TMOD3: variants seen among roughly 807,000 people sequenced by gnomAD.
The protein encoded by TMOD3 is tropomodulin 3, also known as tropomodulin-3.
In TMOD3, 20 loss-of-function variants were observed where a neutral mutation model predicts 39.2. The observed-to-expected ratio is 0.51, with a 90% CI of 0.36 to 0.74. TMOD3 has a LOEUF of 0.74. TMOD3 is among the 30% of genes least tolerant of loss of function. The probability of loss-of-function intolerance (pLI) is 0.00; values close to 1 mark genes in which losing one functional copy is unlikely to be tolerated. For missense variants in TMOD3, 381 were observed against 412.8 expected (o/e 0.92, Z 0.67); for synonymous variants, 143 against 145.8 (o/e 0.98, Z 0.14).
At position 51,869,359 on chromosome 15, in the gene TMOD3, C is replaced by T. The variant is rs750985666; in HGVS notation, c.269C>T (p.Thr90Ile). 6 of 1,609,600 alleles carry T rather than the reference C, an allele frequency of 3.7e-6. No individual in the cohort carries two copies. The highest frequency in any genetic ancestry group is 1.7e-5 in the Admixed American group (1 of 58,800). The change falls in exon 3 of 10, where the codon ACT (threonine) becomes ATT (isoleucine). Residue 90 changes from threonine (T) to isoleucine (I), a missense_variant. Physicochemically the swap from Thr to Ile is moderately conservative, Grantham distance 89. Coordinates refer to ENST00000308580, the MANE Select transcript of TMOD3 (RefSeq NM_014547.5). Reference sequence around the variant, plus strand: ...GACAGGGAAGACTATGTGCCCTACACTGGAGAAAAAAAAGGTAAGCCCCAG... The same window carrying T: ...GACAGGGAAGACTATGTGCCCTACATTGGAGAAAAAAAAGGTAAGCCCCAG... The part of the protein sequence containing the change: ...HKDREDYVPY[T>I]GEKKGKIFIP...
intron 1 of TMOD3, among the ~76,000 whole-genome samples, chr15:51,837,240 T>C (rs2056290684): frequency 2.0e-5 from 3 of 152,086 alleles, no homozygotes; most frequent in African/African-American, 7.2e-5. Flanking sequence ...GGTGTGGTGG[T>C]AAAACTTTGA....
Position 51,900,150 on chromosome 15 carries a change from T to C in TMOD3, c.736-5T>C. 6.2e-7 allele frequency: 1 copy of C among 1,613,834 alleles called. No homozygotes were observed. The highest frequency in any genetic ancestry group is 1.1e-5 in the South Asian group (1 of 91,006). On this transcript the variant is annotated splice_region_variant and splice_polypyrimidine_tract_variant and intron_variant, in intron 7 of 9. Coordinates refer to ENST00000308580, the MANE Select transcript of TMOD3 (RefSeq NM_014547.5). ...TAATCTCTTAATATTTTCTCTAATT[T>C]CTAGGCTTTTGCAGAAATGCTGAAA...
intron 7 of TMOD3, among the ~76,000 whole-genome samples, chr15:51,897,803 A>C (rs1595911042): frequency 1.3e-5 from 2 of 151,286 alleles, no homozygotes; most frequent in African/African-American, 2.4e-5. Context: ...AAAAAACAAA[A>C]AACTAATGGA....
chr15:51,855,981 AGGTGT>A (rs2056385753), intron 1 of TMOD3, among the ~76,000 whole-genome samples: 1 of 152,236 alleles, frequency 6.6e-6, no homozygotes, highest in Non-Finnish European at 1.5e-5. Context: ...AGTAGTGGCC[AGGTGT>A]GGTGGGTAGC....
Position 51,862,946 on chromosome 15 carries a change from T to C in TMOD3, c.62T>C (p.Leu21Pro). Residue 21 changes from leucine to proline, a missense_variant, in exon 2 of 10, where the codon CTT becomes CCT. By Grantham distance (98) the Leu-to-Pro change is moderately conservative. Coordinates refer to ENST00000308580, the MANE Select transcript of TMOD3 (RefSeq NM_014547.5). Reference protein sequence around the residue: ...KYKDLDEDELLGNLSETELKQ... With the variant: ...KYKDLDEDELPGNLSETELKQ... Reference sequence around the variant, plus strand: ...AAAGACCTTGATGAAGATGAGCTCCTTGGGAATCTGTCAGAAACAGAACTG... The same window carrying C: ...AAAGACCTTGATGAAGATGAGCTCCCTGGGAATCTGTCAGAAACAGAACTG... The C allele has an allele frequency of 1.2e-6, 2 of 1,614,120 alleles. No individual in the cohort carries two copies. The highest frequency in any genetic ancestry group is 1.7e-6 in the Non-Finnish European group (2 of 1,179,960).
chr15:51,869,983 G>A (rs748857481), intron 3 of TMOD3, among the ~76,000 whole-genome samples: 1 of 152,104 alleles, frequency 6.6e-6, no homozygotes, highest in Non-Finnish European at 1.5e-5. Context: ...CTGTTGCCCA[G>A]GCCGGAGTGC....
chr15:51,869,435 G>A (rs958338761), intron 3 of TMOD3, 62 bp downstream of exon 3: 6 of 1,514,750 alleles, frequency 4.0e-6, no homozygotes, highest in Admixed American at 2.1e-5. Flanking sequence ...TTATAGGTGG[G>A]TGTGGAGAAA....
chr15:51,886,538 C>T (rs956885565), intron 3 of TMOD3, among the ~76,000 whole-genome samples: 13 of 152,190 alleles, frequency 8.5e-5, no homozygotes, highest in Non-Finnish European at 1.5e-4. Flanking sequence ...TGGCGGTGCG[C>T]GCCCGCATTC....
At position 51,910,831 on chromosome 15, in the gene TMOD3, A is replaced by C. The variant is rs1331309286; in HGVS notation, c.*2021A>C. 6.6e-6 allele frequency: 1 copy of C among 151,830 alleles called. No homozygotes were observed. Among genetic ancestry groups the C allele is most frequent in the Non-Finnish European group, 1.5e-5 (1 of 67,972 alleles). The allele number at this position is 151,830 out of a possible 1,614,324, so 9.4% of individuals were successfully genotyped here. On this transcript the variant is annotated 3_prime_UTR_variant, in exon 10 of 10. Transcript: ENST00000308580. ...AGTATCCAATGTTTTATAGGGGCCA[A>C]AGGTTAACTTTGCACTATTCCCTGT...
chr15:51,837,674 G>A (rs752329494), intron 1 of TMOD3, among the ~76,000 whole-genome samples: 1 of 152,086 alleles, frequency 6.6e-6, no homozygotes, highest in African/African-American at 2.4e-5. Context: ...GGGCAGGTGG[G>A]CTCTTCTGTT....
chr15:51,905,916 A>G (rs1369146202), intron 9 of TMOD3, among the ~76,000 whole-genome samples: 2 of 122,600 alleles, frequency 1.6e-5, no homozygotes, highest in African/African-American at 6.5e-5. Context: ...TGCAGTCCGC[A>G]GTCCGGCCTG....
chr15:51,878,905 C>T (rs949198479), intron 3 of TMOD3, among the ~76,000 whole-genome samples: 3 of 152,132 alleles, frequency 2.0e-5, no homozygotes, highest in South Asian at 4.1e-4. Context: ...AATGAAGTAA[C>T]CAAGAGCCAC....
chr15:51,898,122 T>A (rs1217657772), intron 7 of TMOD3, among the ~76,000 whole-genome samples: 1 of 152,220 alleles, frequency 6.6e-6, no homozygotes, highest in Non-Finnish European at 1.5e-5. Context: ...ATAAAAATCT[T>A]TCAGTGGCCT....
intron 9 of TMOD3, among the ~76,000 whole-genome samples, chr15:51,906,340 A>G (rs954886250): frequency 1.3e-5 from 2 of 152,218 alleles, no homozygotes; most frequent in Non-Finnish European, 2.9e-5. Flanking sequence ...TCCTGGGCAT[A>G]TAGTTCTTTT....
chr15:51,899,665 C>G (rs78650575), intron 7 of TMOD3, among the ~76,000 whole-genome samples: 1 of 88,616 alleles, frequency 1.1e-5, no homozygotes, highest in Non-Finnish European at 2.4e-5. Context: ...GACCCTGTCT[C>G]AAAAAAAAAA....
At chr15:51,869,431 G>T in intron 3 of TMOD3, 58 bp downstream of exon 3, 3 of 1,538,708 alleles carry the variant, frequency 1.9e-6, no homozygotes, top group Non-Finnish European at 1.8e-6. Context: ...CTTTTTATAG[G>T]TGGGTGTGGA....
At chr15:51,837,543 C>T (rs189005359) in intron 1 of TMOD3, among the ~76,000 whole-genome samples, 3 of 151,838 alleles carry the variant, frequency 2.0e-5, no homozygotes, top group Non-Finnish European at 4.4e-5. Flanking sequence ...TCATGCCCAC[C>T]CCACTTTTGT....
chr15:51,871,077 C>T (rs140679056), intron 3 of TMOD3, among the ~76,000 whole-genome samples: 132 of 152,160 alleles, frequency 8.7e-4, no homozygotes, highest in African/African-American at 3.0e-3. Flanking sequence ...TTCATGAAAA[C>T]GTTTAGAACA....
chr15:51,861,882 A>G lies in TMOD3; in HGVS notation c.-74-929A>G, dbSNP rs140103482. 9.9e-5 allele frequency among the ~76,000 whole-genome samples: 15 copies of G among 152,178 alleles called. No individual in the cohort carries two copies. The East Asian group carries it at 2.7e-3, about 27-fold the overall frequency. On this transcript the variant is annotated intron_variant, in intron 1 of 9. Transcript: ENST00000308580. ...GCTCTTAAACTCCTGAGCTCAAGCG[A>G]TTCACCTGCCTCGGACTCCCAACGT...
Sources: allele counts gnomAD v4.1 joint callset (sites outside exome capture counted in the v4.1 genomes callset), GRCh38; gene constraint gnomAD v4.1.1; transcripts MANE v1.5; gene names NCBI Gene and HGNC (gene_info 2026-07-23, HGNC 2026-07-21).